The following UGT2B7 variants were observed in gnomAD, a reference collection of about 807,000 sequenced individuals.
The protein encoded by UGT2B7 is UDP-glucuronosyltransferase 2B7.
In UGT2B7, 51 loss-of-function variants were observed where a neutral mutation model predicts 51.9. The observed-to-expected ratio is 0.98, with a 90% confidence interval of 0.78 to 1.24. The LOEUF is 1.24. UGT2B7 is among the 50% of genes most tolerant of loss of function. The pLI, the probability that UGT2B7 is intolerant of heterozygous loss-of-function variation, is 0.00. For synonymous variants in UGT2B7, 225 were observed against 211.6 expected (o/e 1.06, Z -0.55); for missense variants, 727 against 628.4 (o/e 1.16, Z -1.68).
intron 1 of UGT2B7, among the ~76,000 whole-genome samples, chr4:69,080,009 AT>A (rs1311452590): frequency 6.6e-6 from 1 of 151,210 alleles, no homozygotes; most frequent in Admixed American, 6.6e-5. Context: ...CTTTTTTTGC[AT>A]TTTTTCCCTG....
intron 1 of UGT2B7, among the ~76,000 whole-genome samples, chr4:69,057,681 T>C (rs1421640115): frequency 6.6e-6 from 1 of 152,076 alleles, no homozygotes; most frequent in Non-Finnish European, 1.5e-5. Context: ...TGGTCTAAAA[T>C]GAAAGGAAAG....
upstream of UGT2B7, among the ~76,000 whole-genome samples, chr4:69,093,897 G>A (rs914808320): frequency 2.6e-5 from 4 of 152,070 alleles, no homozygotes; most frequent in Non-Finnish European, 5.9e-5. Flanking sequence ...TCAGTTGAAG[G>A]GGCTGTATTT....
intron 2 of UGT2B7, among the ~76,000 whole-genome samples, chr4:69,101,933 G>C (rs2109888047): frequency 6.6e-6 from 1 of 152,248 alleles, no homozygotes; most frequent in East Asian, 1.9e-4. Flanking sequence ...TCTGGTGCAA[G>C]TGCTGCCTCT....
intron 2 of UGT2B7, among the ~76,000 whole-genome samples, chr4:69,089,780 T>C (rs1003836683): frequency 2.6e-5 from 4 of 152,218 alleles, no homozygotes; most frequent in Non-Finnish European, 4.4e-5. Context: ...TGCCTATGAA[T>C]GCTTGAAGTT....
chr4:69,090,696 C>T (rs182342636), intron 2 of UGT2B7, among the ~76,000 whole-genome samples: 28 of 152,144 alleles, frequency 1.8e-4, no homozygotes, highest in Non-Finnish European at 3.4e-4. Context: ...GAGATTTTGG[C>T]GGGGACACAG....
rs1189063234 is a variant in UGT2B7, at chr4:69,063,295, G to A, written c.-159+11693G>A. Among the ~76,000 whole-genome samples the A allele has an allele frequency of 1.6e-5, 2 of 125,212 alleles. 1 individual carries two copies. The highest frequency in any genetic ancestry group is 3.1e-5 in the Non-Finnish European group (2 of 63,962). The allele number at this position is 125,212 out of a possible 152,430, so 82.1% of individuals were successfully genotyped here. A position where few individuals can be genotyped will look rare whatever the true frequency, so the allele number is the denominator to read the frequency against. On this transcript the variant is annotated intron_variant, in intron 1 of 5. Transcript: ENST00000502942. The stretch of plus-strand genomic sequence containing the variant: ...GATCGTGCCACTGTACTCCAGCCTG[G>A]GCGACAGAGCGAGACTCCGTCTCAA...
At chr4:69,063,710 A>G (rs1461677714) in intron 1 of UGT2B7, among the ~76,000 whole-genome samples, 1 of 152,194 alleles carries the variant, frequency 6.6e-6, no homozygotes, top group Non-Finnish European at 1.5e-5. Context: ...CCTGGAACCC[A>G]GATGGTCTCC....
At position 69,096,706 on chromosome 4, in the gene UGT2B7, TC is replaced by T. The variant is rs1268958686; in HGVS notation, c.187del (p.Leu63PhefsTer19). On this transcript the variant is annotated frameshift_variant, in exon 1 of 6. Coordinates refer to ENST00000305231, the MANE Select transcript of UGT2B7 (RefSeq NM_001074.4). LOFTEE classifies it high-confidence loss of function. The part of the protein sequence containing the change: ...VTVLASSASI[L>X]FDPNNSSALK... Reference sequence around the variant, plus strand: ...CTGTACTGGCATCTTCAGCTTCCATTCTTTTTGATCCCAACAACTCATCCGC... The same window carrying T: ...CTGTACTGGCATCTTCAGCTTCCATTTTTTTGATCCCAACAACTCATCCGC... 1 of 1,613,976 alleles carries T rather than the reference TC, an allele frequency of 6.2e-7. No individual in the cohort carries two copies. The highest frequency in any genetic ancestry group is 1.7e-5 in the Admixed American group (1 of 59,992).
intron 2 of UGT2B7, among the ~76,000 whole-genome samples, chr4:69,099,826 G>A (rs1719367458): frequency 6.6e-6 from 1 of 151,924 alleles, no homozygotes; most frequent in Non-Finnish European, 1.5e-5. Flanking sequence ...GAACCAGATT[G>A]TTCAGTACAT....
chr4:69,088,492 A>C (rs182638991), intron 1 of UGT2B7, among the ~76,000 whole-genome samples: 1 of 152,208 alleles, frequency 6.6e-6, no homozygotes, highest in African/African-American at 2.4e-5. Flanking sequence ...AGTGATTTCT[A>C]GGTCTGTGAG....
At chr4:69,097,758 A>G (rs1328574561) in intron 1 of UGT2B7, among the ~76,000 whole-genome samples, 1 of 152,094 alleles carries the variant, frequency 6.6e-6, no homozygotes, top group Non-Finnish European at 1.5e-5. Context: ...GCAAAAATCA[A>G]TAAGGGCAAT....
intron 5 of UGT2B7, among the ~76,000 whole-genome samples, chr4:69,110,415 T>G (rs1719737905): frequency 6.6e-6 from 1 of 152,068 alleles, no homozygotes; most frequent in Non-Finnish European, 1.5e-5. Context: ...TCTCAACAAT[T>G]CTACTCCCAG....
rs775264664 is a variant in UGT2B7, at chr4:69,112,610, C to T, written c.1464C>T (p.Tyr488=). The T allele has an allele frequency of 1.9e-6, 3 of 1,613,922 alleles. No homozygotes were observed. The highest frequency in any genetic ancestry group is 4.5e-5 in the East Asian group (2 of 44,874). The change falls in exon 6 of 6, where the codon TAC becomes TAT. Residue 488 remains tyrosine, a synonymous_variant. Transcript: ENST00000305231. ...CCCACGACCTCACCTGGTTCCAGTA[C>T]CACTCTTTGGATGTGATTGGGTTCC... ...VAAHDLTWFQ[Y]HSLDVIGFLL...
chr4:69,089,639 T>C (rs1719041346), intron 2 of UGT2B7: 1 of 152,486 alleles, frequency 6.6e-6, no homozygotes, highest in African/African-American at 2.4e-5. Flanking sequence ...AGCAGCCATT[T>C]ACACAGTGAA....
intron 1 of UGT2B7, among the ~76,000 whole-genome samples, chr4:69,070,551 A>T (rs1297751830): frequency 2.0e-5 from 3 of 151,992 alleles, no homozygotes; most frequent in Admixed American, 2.0e-4. Flanking sequence ...CTCAACTCCA[A>T]CTAAGACAAA....
chr4:69,103,080 T>C lies in UGT2B7; in HGVS notation c.1002+142T>C, dbSNP rs532119362. ...AGAACAAGGATAATCTTGGAGAAAC[T>C]ATGAGAAGTTTGAAAATTGTGGTTG... On this transcript the variant is annotated intron_variant, in intron 3 of 5. Transcript: ENST00000305231. 2.9e-5 allele frequency: 42 copies of C among 1,442,242 alleles called. No homozygotes were observed. In the African/African-American group the frequency reaches 6.1e-4, roughly 21 times the overall value. The allele number at this position is 1,442,242 out of a possible 1,614,324, so 89.3% of individuals were successfully genotyped here.
rs571765031 is a variant in UGT2B7 at position 69,107,237 on chromosome 4, G to C, written c.1065G>C (p.Lys355Asn). The C allele has an allele frequency of 1.4e-4, 221 of 1,609,316 alleles. 2 individuals are homozygous for C. In the South Asian group the frequency reaches 2.2e-3, roughly 16 times the overall value. Residue 355 changes from lysine (K) to asparagine (N), a missense_variant, in exon 4 of 6, where the codon AAG becomes AAC. Transcript: ENST00000305231. ...TAGGTCTCAATACTCGGCTCTACAA[G>C]TGGATACCCCAGAATGACCTTCTAG... The part of the protein sequence containing the change: ...DTLGLNTRLY[K>N]WIPQNDLLGH...
chr4:69,079,913 T>A (rs1216855580), intron 1 of UGT2B7, among the ~76,000 whole-genome samples: 1 of 152,040 alleles, frequency 6.6e-6, no homozygotes, highest in African/African-American at 2.4e-5. Context: ...CATTCCTGAG[T>A]TTTGTATATA....
In UGT2B7 at chr4:69,097,150, G is replaced by T; in HGVS notation, c.630G>T (p.Arg210Ser). The change falls in exon 1 of 6, where the codon AGG becomes AGT. Residue 210 changes from arginine to serine, a missense_variant. Arg to Ser is a moderately radical substitution (Grantham distance 110). Transcript: ENST00000305231. ...ELTDQMTFME[R>S]VKNMIYVLYF... ...CTGATCAAATGACTTTCATGGAGAG[G>T]GTAAAAAATATGATCTATGTGCTTT... 1.2e-6 allele frequency: 2 copies of T among 1,613,174 alleles called. No homozygotes were observed. Among genetic ancestry groups the T allele is most frequent in the Non-Finnish European group, 1.7e-6 (2 of 1,179,552 alleles).
Sources: gnomAD v4.1 joint callset for allele counts (sites outside exome capture counted in the v4.1 genomes callset) on GRCh38, gnomAD v4.1.1 for gene constraint, MANE v1.5 for transcripts, NCBI Gene and HGNC (gene_info 2026-07-23, HGNC 2026-07-21) for gene names.